Variants in NRG3 observed in about 807,000 individuals in gnomAD.
NRG3 encodes pro-neuregulin-3, membrane-bound isoform.
A neutral mutation model predicts 66.9 loss-of-function variants in NRG3; 31 were observed. The ratio of observed to expected loss-of-function variants is 0.46; its 90% CI spans 0.35 to 0.63. The LOEUF is 0.63. Among genes scored for constraint, NRG3 ranks in the 20% least tolerant of loss-of-function variants. The pLI is 0.00. For missense variants in NRG3, 910 were observed against 878.9 expected (o/e 1.04, Z -0.45); for synonymous variants, 393 against 359.4 (o/e 1.09, Z -1.06).
intron 1 of NRG3, among the ~76,000 whole-genome samples, chr10:82,329,549 A>G (rs1050180024): frequency 3.3e-5 from 5 of 151,564 alleles, no homozygotes; most frequent in Non-Finnish European, 5.9e-5. Context: ...AACAGGGGTT[A>G]TAGAGCACAC....
chr10:82,203,759 A>T (rs1431379373), intron 1 of NRG3, among the ~76,000 whole-genome samples: 1 of 152,156 alleles, frequency 6.6e-6, no homozygotes, highest in Non-Finnish European at 1.5e-5. Flanking sequence ...CAAAAACAGG[A>T]TGTTCTTTGA....
chr10:82,512,900 C>A (rs1406211824), intron 2 of NRG3, among the ~76,000 whole-genome samples: 1 of 151,996 alleles, frequency 6.6e-6, no homozygotes, highest in African/African-American at 2.4e-5. Context: ...AATTGTATTT[C>A]TTCATTATCA....
intron 8 of NRG3, among the ~76,000 whole-genome samples, chr10:82,983,805 A>G (rs577558822): frequency 6.6e-6 from 1 of 152,324 alleles, no homozygotes; most frequent in South Asian, 2.1e-4. Context: ...TTGTTTATGT[A>G]TTCATGTGTT....
chr10:81,923,349 G>C (rs1284861530), intron 1 of NRG3, among the ~76,000 whole-genome samples: 2 of 151,998 alleles, frequency 1.3e-5, no homozygotes, highest in African/African-American at 4.8e-5. Context: ...GGGACTACAG[G>C]CGCCCGCCAC....
chr10:82,426,222 G>A (rs924703647), intron 2 of NRG3, among the ~76,000 whole-genome samples: 1 of 152,116 alleles, frequency 6.6e-6, no homozygotes, highest in African/African-American at 2.4e-5. Context: ...GACCCCTGGT[G>A]GGACTCCTGA....
At chr10:82,160,871 G>T (rs1469197793) in intron 1 of NRG3, among the ~76,000 whole-genome samples, 1 of 151,990 alleles carries the variant, frequency 6.6e-6, no homozygotes, top group East Asian at 1.9e-4. Flanking sequence ...ATGAGAAAAT[G>T]AAGCTCACTG....
rs1232169138 is a variant in NRG3, at chr10:82,631,586, TG to T, written c.954-106989del. On this transcript the variant is annotated intron_variant, in intron 2 of 8. Coordinates refer to ENST00000372141, the MANE Select transcript of NRG3 (RefSeq NM_001010848.4). ...GGGCATCCCCAGATGCCTTCAGCCG[TG>T]GTTTTTTTTTTTTTTTTCAGTCTTT... is the stretch of plus-strand genomic sequence containing the variant. 1.1e-3 allele frequency among the ~76,000 whole-genome samples: 154 copies of T among 145,810 alleles called. 1 individual carries two copies. Among genetic ancestry groups the T allele is most frequent in the African/African-American group, 3.6e-3 (145 of 39,798 alleles).
chr10:82,224,026 C>T (rs1349431034), intron 1 of NRG3, among the ~76,000 whole-genome samples: 2 of 152,116 alleles, frequency 1.3e-5, no homozygotes, highest in African/African-American at 4.8e-5. Flanking sequence ...ATCAGAAAAG[C>T]CAGTTGTGTC....
chr10:82,277,844 G>A (rs1430937324), intron 1 of NRG3, among the ~76,000 whole-genome samples: 2 of 152,180 alleles, frequency 1.3e-5, no homozygotes, highest in East Asian at 3.9e-4. Context: ...AGAATTCCAG[G>A]AAGTGGCATA....
At chr10:82,388,970 A>C (rs1381273860) in intron 2 of NRG3, among the ~76,000 whole-genome samples, 2 of 152,194 alleles carry the variant, frequency 1.3e-5, no homozygotes, top group Non-Finnish European at 2.9e-5. Context: ...AAAGATCCTC[A>C]GGTTAGTCTT....
intron 3 of NRG3, among the ~76,000 whole-genome samples, chr10:82,841,473 T>A (rs1197219671): frequency 6.6e-6 from 1 of 152,210 alleles, no homozygotes; most frequent in Non-Finnish European, 1.5e-5. Flanking sequence ...ATATCCTATA[T>A]GAAGAGATTT....
rs544999447 is a variant in NRG3, at chr10:82,740,960, C to A, written c.1027+2310C>A. On this transcript the variant is annotated intron_variant, in intron 3 of 8. Coordinates refer to ENST00000372141, the MANE Select transcript of NRG3 (RefSeq NM_001010848.4). Reference sequence around the variant, plus strand: ...GCCCCAAATGTAGAAAAGAAATACACTAAAATGTTGTAAGGACGTGGAATT... The same window carrying A: ...GCCCCAAATGTAGAAAAGAAATACAATAAAATGTTGTAAGGACGTGGAATT... Among the ~76,000 whole-genome samples, 7 of 151,848 alleles carry A rather than the reference C, an allele frequency of 4.6e-5. No homozygotes were observed. The South Asian group carries it at 1.0e-3, about 23-fold the overall frequency.
chr10:82,554,313 G>C lies in NRG3; in HGVS notation c.954-184264G>C, dbSNP rs911040208. ...GTTCTCAAAGAAATTATCAACGTTT[G>C]AGGTAATGGATAAGCTAATTAATGT... is the stretch of plus-strand genomic sequence containing the variant. On this transcript the variant is annotated intron_variant, in intron 2 of 8. Transcript: ENST00000372141. Among the ~76,000 whole-genome samples the C allele has an allele frequency of 3.9e-5, 6 of 152,132 alleles. No homozygotes were observed. In the East Asian group the frequency reaches 1.2e-3, roughly 29 times the overall value.
At chr10:82,402,225 A>G (rs558902608) in intron 2 of NRG3, among the ~76,000 whole-genome samples, 15 of 152,220 alleles carry the variant, frequency 9.9e-5, no homozygotes, top group African/African-American at 3.1e-4. Flanking sequence ...TTTATTAAGA[A>G]TAAATAGTCA....
intron 4 of NRG3, among the ~76,000 whole-genome samples, chr10:82,908,628 C>T (rs1844990457): frequency 1.3e-5 from 2 of 152,192 alleles, no homozygotes; most frequent in African/African-American, 4.8e-5. Flanking sequence ...ACCTGCAATC[C>T]TCTCTGTCTG....
chr10:82,218,694 T>C (rs897191892), intron 1 of NRG3, among the ~76,000 whole-genome samples: 1 of 152,162 alleles, frequency 6.6e-6, no homozygotes, highest in Non-Finnish European at 1.5e-5. Flanking sequence ...TCTTCTTCTG[T>C]CTCTGCTTTT....
intron 2 of NRG3, among the ~76,000 whole-genome samples, chr10:82,429,176 C>G (rs1382483522): frequency 6.6e-6 from 1 of 151,958 alleles, no homozygotes; most frequent in Non-Finnish European, 1.5e-5. Flanking sequence ...ATAAGTCAAT[C>G]AACACAGTTT....
intron 1 of NRG3, among the ~76,000 whole-genome samples, chr10:82,345,961 T>G (rs1477199727): frequency 1.3e-5 from 2 of 152,222 alleles, no homozygotes; most frequent in Admixed American, 6.5e-5. Context: ...AAGCAGATTT[T>G]GGGCTGAGAC....
chr10:82,208,664 A>C (rs767887048), intron 1 of NRG3, among the ~76,000 whole-genome samples: 1 of 152,136 alleles, frequency 6.6e-6, no homozygotes, highest in African/African-American at 2.4e-5. Context: ...AAAAAAAAAA[A>C]CTACAGGAAC....
Sources: allele counts gnomAD v4.1 joint callset (sites outside exome capture counted in the v4.1 genomes callset), GRCh38; gene constraint gnomAD v4.1.1; transcripts MANE v1.5; gene names NCBI Gene and HGNC (gene_info 2026-07-23, HGNC 2026-07-21).